The following SLC39A8 variants were observed in gnomAD, a reference collection of about 807,000 sequenced individuals.
SLC39A8 encodes solute carrier family 39 member 8.
SLC39A8 carries 15 observed loss-of-function variants against 40.4 expected under a neutral mutation model. The ratio of observed to expected loss-of-function variants is 0.37; its 90% CI spans 0.25 to 0.57. The LOEUF (loss-of-function observed/expected upper bound fraction) is 0.57, where lower values mean the gene tolerates loss of function less well. Ranked by LOEUF, SLC39A8 falls within the 20% of genes least tolerant of loss-of-function variation. SLC39A8 has a pLI of 0.75. For missense variants in SLC39A8, 472 were observed against 558.8 expected, an observed-to-expected ratio of 0.84 and a Z score of 1.57; for synonymous variants, 223 against 221.6, an observed-to-expected ratio of 1.01 and a Z score of -0.06.
Position 102,344,935 on chromosome 4 carries a change from G to C in SLC39A8, c.-253-20C>G. On this transcript the variant is annotated intron_variant, in intron 1 of 8. Coordinates refer to ENST00000356736, the MANE Select transcript of SLC39A8 (RefSeq NM_001135146.2). ...GAGAGCCTGAGATAAAGAGGACAAA[G>C]GGGGACAGAGATAAAGGCCACCAGG... The C allele has an allele frequency of 8.1e-7, 1 of 1,236,266 alleles. No individual in the cohort carries two copies. Among genetic ancestry groups the C allele is most frequent in the Non-Finnish European group, 1.0e-6 (1 of 989,904 alleles). The allele number at this position is 1,236,266 out of a possible 1,614,324, so 76.6% of individuals were successfully genotyped here.
intron 2 of SLC39A8, among the ~76,000 whole-genome samples, chr4:102,338,403 G>T (rs1735771681): frequency 6.6e-6 from 1 of 151,918 alleles, no homozygotes; most frequent in African/African-American, 2.4e-5. Flanking sequence ...AACCAGGATG[G>T]TCTCGATCTC....
At chr4:102,332,212 C>T (rs1735498108) in intron 2 of SLC39A8, among the ~76,000 whole-genome samples, 1 of 152,158 alleles carries the variant, frequency 6.6e-6, no homozygotes, top group South Asian at 2.1e-4. Flanking sequence ...AAGAAGCTAT[C>T]ATCAAAGTGA....
rs2149030949 is a variant in SLC39A8 at position 102,301,121 on chromosome 4, G to A, written c.840+3196C>T. On this transcript the variant is annotated intron_variant, in intron 6 of 8. Transcript: ENST00000356736. ...TTCAGCTGCCTTCTTATTCCTGGAA[G>A]TGTATTTCCAGAATCTTAGTTCCAT... Among the ~76,000 whole-genome samples, 3 of 152,116 alleles carry A rather than the reference G, an allele frequency of 2.0e-5. No homozygotes were observed. The South Asian group carries it at 6.2e-4, about 32-fold the overall frequency.
intron 3 of SLC39A8, among the ~76,000 whole-genome samples, chr4:102,308,697 T>C (rs1734296581): frequency 6.6e-6 from 1 of 152,102 alleles, no homozygotes; most frequent in Non-Finnish European, 1.5e-5. Context: ...GCCACTTCTT[T>C]AAAATATCCA....
At chr4:102,261,382 C>T (rs1053830060), downstream of SLC39A8, among the ~76,000 whole-genome samples, 1 of 152,156 alleles carries the variant, frequency 6.6e-6, no homozygotes, top group African/African-American at 2.4e-5. Flanking sequence ...AAAATTTAAG[C>T]ACCTCATTAA....
At chr4:102,259,804 G>A (rs923289006), downstream of SLC39A8, among the ~76,000 whole-genome samples, 3 of 152,148 alleles carry the variant, frequency 2.0e-5, no homozygotes, top group East Asian at 1.9e-4. Flanking sequence ...GGGGCAGGGG[G>A]AGAAATAAGT....
At chr4:102,324,265 C>T in intron 2 of SLC39A8, 1 of 358,838 alleles carries the variant, frequency 2.8e-6, no homozygotes, top group Non-Finnish European at 5.6e-6. Flanking sequence ...CGTGTTGGTG[C>T]ATGCCTGTAA....
At chr4:102,320,168 C>CATATATATATAT (rs70937533) in intron 2 of SLC39A8, among the ~76,000 whole-genome samples, 1 of 101,924 alleles carries the variant, frequency 9.8e-6, no homozygotes. Flanking sequence ...TATATATATA[C>CATATATATATAT]ATATATATAT....
chr4:102,283,281 T>C (rs1732985015), intron 6 of SLC39A8, among the ~76,000 whole-genome samples: 3 of 152,072 alleles, frequency 2.0e-5, no homozygotes, highest in Non-Finnish European at 1.5e-5. Flanking sequence ...AGCTAGAAAA[T>C]GGGAAAGTCA....
At chr4:102,289,019 G>A (rs185888218) in intron 6 of SLC39A8, among the ~76,000 whole-genome samples, 1 of 152,144 alleles carries the variant, frequency 6.6e-6, no homozygotes, top group Non-Finnish European at 1.5e-5. Flanking sequence ...ATGCCATCCA[G>A]GGCTTTCATA....
chr4:102,325,247 T>A (rs1258839140), intron 2 of SLC39A8, among the ~76,000 whole-genome samples: 17 of 152,220 alleles, frequency 1.1e-4, no homozygotes, highest in African/African-American at 3.9e-4. Flanking sequence ...ATAAAAATAA[T>A]CTCTAGGTTT....
downstream of SLC39A8, among the ~76,000 whole-genome samples, chr4:102,261,098 A>G (rs547250704): frequency 5.6e-4 from 85 of 151,690 alleles, 1 homozygote; most frequent in South Asian, 0.012. Context: ...AAGGCAAAGT[A>G]TCAGTGAGAA....
chr4:102,338,748 T>G (rs1735787686), intron 2 of SLC39A8, among the ~76,000 whole-genome samples: 1 of 152,194 alleles, frequency 6.6e-6, no homozygotes, highest in South Asian at 2.1e-4. Context: ...ACCACTTACT[T>G]CGTGACGTTG....
intron 4 of SLC39A8, among the ~76,000 whole-genome samples, chr4:102,307,073 G>A (rs1290987786): frequency 1.3e-5 from 2 of 151,930 alleles, no homozygotes; most frequent in African/African-American, 4.8e-5. Context: ...TTGCAGTACA[G>A]TTGACATTGC....
chr4:102,314,196 AT>A (rs1489188186), intron 3 of SLC39A8, among the ~76,000 whole-genome samples: 1 of 151,984 alleles, frequency 6.6e-6, no homozygotes, highest in East Asian at 1.9e-4. Flanking sequence ...AGGGCAAACC[AT>A]TTAGCATGAT....
At chr4:102,307,299 T>C in intron 4 of SLC39A8, 137 bp downstream of exon 4, 1 of 1,020,918 alleles carries the variant, frequency 9.8e-7, no homozygotes, top group Non-Finnish European at 1.5e-6. Flanking sequence ...ATTGCTGTGA[T>C]TCAGCTTTCT....
At chr4:102,287,747 G>A (rs7670124) in intron 6 of SLC39A8, among the ~76,000 whole-genome samples, 4,673 of 152,132 alleles carry the variant, frequency 0.031, 266 homozygotes, top group African/African-American at 0.11. Flanking sequence ...TTTATTTAAA[G>A]TAGCCATTTT....
intron 2 of SLC39A8, among the ~76,000 whole-genome samples, chr4:102,320,179 A>ATATATGTATATATATATG (rs1553916630): frequency 1.0e-5 from 1 of 99,802 alleles, no homozygotes; most frequent in African/African-American, 3.2e-5. Flanking sequence ...ATATATATAT[A>ATATATGTATATATATATG]TATATATATA....
chr4:102,338,183 T>C (rs1346473488), intron 2 of SLC39A8, among the ~76,000 whole-genome samples: 2 of 151,700 alleles, frequency 1.3e-5, no homozygotes, highest in Admixed American at 6.6e-5. Flanking sequence ...TTCCATCTTA[T>C]TTCTTTTTTT....
Sources: allele counts gnomAD v4.1 joint callset (sites outside exome capture counted in the v4.1 genomes callset), GRCh38; gene constraint gnomAD v4.1.1; transcripts MANE v1.5; gene names NCBI Gene and HGNC (gene_info 2026-07-23, HGNC 2026-07-21).